The following CA11 variants were observed in gnomAD, a reference collection of about 807,000 sequenced individuals.
The protein encoded by CA11 is carbonic anhydrase 11 (inactive).
In CA11, 20 loss-of-function variants were observed where a neutral mutation model predicts 39.3. The ratio of observed to expected loss-of-function variants is 0.51; its 90% confidence interval spans 0.36 to 0.74. CA11 has a LOEUF of 0.74. Among genes scored for constraint, CA11 ranks in the 30% least tolerant of loss-of-function variants. The probability of loss-of-function intolerance (pLI) is 0.00; values close to 1 mark genes in which losing one functional copy is unlikely to be tolerated. For synonymous variants in CA11, 166 were observed against 172.5 expected, an observed-to-expected ratio of 0.96 and a Z score of 0.29; for missense variants, 336 against 424.6, an observed-to-expected ratio of 0.79 and a Z score of 1.83.
Position 48,638,046 on chromosome 19 carries a change from T to G in CA11, c.*73A>C. ...GAAGTATTCTGTCCCTTTAATAGCT[T>G]TGTTTTAGGGGTAACTCCCCTCGCC... On this transcript the variant is annotated 3_prime_UTR_variant, in exon 9 of 9. Coordinates refer to ENST00000084798, the MANE Select transcript of CA11 (RefSeq NM_001217.5). The G allele has an allele frequency of 2.7e-6, 3 of 1,124,454 alleles. No individual in the cohort carries two copies. Among genetic ancestry groups the G allele is most frequent in the Non-Finnish European group, 2.4e-6 (2 of 819,706 alleles). 69.7% of individuals were successfully genotyped at this position (1,124,454 alleles called of 1,614,324 possible).
Position 48,643,850 on chromosome 19 carries a change from T to C in CA11, c.285+577A>G, listed in dbSNP as rs1203832572. ...GGCTCATGCCTGTAATCCTAGCACTTTGGGAGGCCGAGGCAGGTGGATCAC... is the reference window on the plus strand; with the variant it reads ...GGCTCATGCCTGTAATCCTAGCACTCTGGGAGGCCGAGGCAGGTGGATCAC... On this transcript the variant is annotated intron_variant, in intron 3 of 8. Coordinates refer to ENST00000084798, the MANE Select transcript of CA11 (RefSeq NM_001217.5). The surrounding 1 kb of genome is among the most constrained non-coding windows in gnomAD (Gnocchi z 4.3). Among the ~76,000 whole-genome samples the C allele has an allele frequency of 6.6e-6, 1 of 151,892 alleles. No individual in the cohort carries two copies. Among genetic ancestry groups the C allele is most frequent in the Admixed American group, 6.6e-5 (1 of 15,246 alleles).
chr19:48,638,006 C>A lies in CA11; in HGVS notation c.*113G>T. 1 of 714,000 alleles carries A rather than the reference C, an allele frequency of 1.4e-6. No homozygotes were observed. The highest frequency in any genetic ancestry group is 2.1e-6 in the Non-Finnish European group (1 of 467,904). 44.2% of individuals were successfully genotyped at this position (714,000 alleles called of 1,614,324 possible). A position where few individuals can be genotyped will look rare whatever the true frequency, so the allele number is the denominator to read the frequency against. Reference sequence around the variant, plus strand: ...TTTCCCCACCGCGCCTAGAATCAGACCACTGAGAAAACAGGAAGTATTCTG... The same window carrying A: ...TTTCCCCACCGCGCCTAGAATCAGAACACTGAGAAAACAGGAAGTATTCTG... On this transcript the variant is annotated 3_prime_UTR_variant, in exon 9 of 9. Transcript: ENST00000084798.
At chr19:48,641,334 T>C (rs1262368338) in intron 3 of CA11, among the ~76,000 whole-genome samples, 1 of 152,250 alleles carries the variant, frequency 6.6e-6, no homozygotes, top group Non-Finnish European at 1.5e-5. Context: ...CTTTCCAGGC[T>C]CTGTGCCAGT....
chr19:48,638,389 G>GT, intron 8 of CA11: 4 of 475,920 alleles, frequency 8.4e-6, no homozygotes, highest in Non-Finnish European at 1.0e-5. Flanking sequence ...GGGGGGGGGT[G>GT]TGGACTGTAC....
At position 48,646,137 on chromosome 19, in the gene CA11, C is replaced by G. The variant is rs2031243175; in HGVS notation, c.-505G>C. 1 of 252,716 alleles carries G rather than the reference C, an allele frequency of 4.0e-6. No individual in the cohort carries two copies. The highest frequency in any genetic ancestry group is 1.5e-4 in the South Asian group (1 of 6,796). The allele number at this position is 252,716 out of a possible 1,614,324, so 15.7% of individuals were successfully genotyped here. ...TCGGCCTCCAGCTTCGTGCTCTCCCCACCTCCTCCTCTCCTGCCTCTTCTC... is the reference window on the plus strand; with the variant it reads ...TCGGCCTCCAGCTTCGTGCTCTCCCGACCTCCTCCTCTCCTGCCTCTTCTC... On this transcript the variant is annotated 5_prime_UTR_variant, in exon 1 of 9. Coordinates refer to ENST00000084798, the MANE Select transcript of CA11 (RefSeq NM_001217.5).
chr19:48,639,708 C>T (rs781385438), intron 5 of CA11, 80 bp downstream of exon 5: 45 of 1,580,540 alleles, frequency 2.8e-5, no homozygotes, highest in Non-Finnish European at 3.9e-5. Context: ...GAGTCTGGGC[C>T]TCCCAGCACC....
intron 8 of CA11, 197 bp from the exon 9 acceptor site, chr19:48,638,341 T>G (rs2030917120): frequency 1.2e-6 from 1 of 804,812 alleles, no homozygotes; most frequent in African/African-American, 2.4e-5. Context: ...ACGTCCAGAT[T>G]CAGCAGTAGG....
chr19:48,639,425 C>T lies in CA11; in HGVS notation c.675G>A (p.Glu225=). The change falls in exon 7 of 9, where the codon GAG becomes GAA. Residue 225 remains glutamate (E), a synonymous_variant. Transcript: ENST00000084798. ...DAYFLQDLSL[E]LLFPESFGFI... Reference sequence around the variant, plus strand: ...AGCCGAAGGATTCAGGGAACAGGAGCTCCAGGCTCAGGTCTTGAAGAAAGT... The same window carrying T: ...AGCCGAAGGATTCAGGGAACAGGAGTTCCAGGCTCAGGTCTTGAAGAAAGT... 6.2e-7 allele frequency: 1 copy of T among 1,613,828 alleles called. No homozygotes were observed. The highest frequency in any genetic ancestry group is 8.5e-7 in the Non-Finnish European group (1 of 1,179,958).
intron 3 of CA11, among the ~76,000 whole-genome samples, chr19:48,640,677 T>TTG (rs1896496107): frequency 6.8e-6 from 1 of 147,208 alleles, no homozygotes. Context: ...CCCGGTCTTT[T>TTG]TTTTTTTTCT....
intron 3 of CA11, among the ~76,000 whole-genome samples, chr19:48,642,628 G>C (rs114880234): frequency 1.1e-3 from 171 of 152,284 alleles, no homozygotes; most frequent in African/African-American, 3.9e-3. Flanking sequence ...ATTTTGAGCA[G>C]GAGTGATATG....
In CA11 at chr19:48,645,735, T is replaced by G. The variant is rs1306467538; in HGVS notation, c.-103A>C. The stretch of plus-strand genomic sequence containing the variant: ...CCCTGTCCCTCCAGGACTTCCAGCT[T>G]TCCTCTCCTCCCCACAGGGAGTCCC... On this transcript the variant is annotated 5_prime_UTR_variant, in exon 1 of 9. Coordinates refer to ENST00000084798, the MANE Select transcript of CA11 (RefSeq NM_001217.5). 2.1e-6 allele frequency: 2 copies of G among 949,718 alleles called. No individual in the cohort carries two copies. The highest frequency in any genetic ancestry group is 1.7e-5 in the African/African-American group (1 of 58,728). The allele number at this position is 949,718 out of a possible 1,614,324, so 58.8% of individuals were successfully genotyped here.
At chr19:48,639,267 A>G (rs148357487) in intron 7 of CA11, 38 bp downstream of exon 7, 1 of 1,607,690 alleles carries the variant, frequency 6.2e-7, no homozygotes, top group Non-Finnish European at 8.5e-7. Flanking sequence ...TGAGTGGAGT[A>G]CCCAGGCCTA....
intron 7 of CA11, 34 bp downstream of exon 7, chr19:48,639,271 A>C (rs1303207814): frequency 6.2e-7 from 1 of 1,608,758 alleles, no homozygotes; most frequent in Admixed American, 1.7e-5. Flanking sequence ...TGGAGTACCC[A>C]GGCCTAGGAA....
intron 3 of CA11, among the ~76,000 whole-genome samples, chr19:48,640,886 G>C (rs1357310279): frequency 6.7e-6 from 1 of 148,216 alleles, no homozygotes; most frequent in Admixed American, 6.7e-5. Context: ...GTGTTAACCA[G>C]GATGGTCTGG....
chr19:48,638,763 G>T, intron 8 of CA11, 125 bp downstream of exon 8: 3 of 1,053,304 alleles, frequency 2.8e-6, no homozygotes, highest in East Asian at 5.4e-5. Flanking sequence ...AAAAGAGACA[G>T]CTCACGAGGC....
intron 3 of CA11, 54 bp downstream of exon 3, chr19:48,644,373 C>T (rs2031180937): frequency 2.0e-6 from 3 of 1,472,202 alleles, no homozygotes; most frequent in Non-Finnish European, 2.7e-6. Flanking sequence ...TCCCCAGCCT[C>T]TATTCATGCC....
Position 48,638,016 on chromosome 19 carries a change from A to G in CA11, c.*103T>C. ...GCGCCTAGAATCAGACCACTGAGAA[A>G]ACAGGAAGTATTCTGTCCCTTTAAT... On this transcript the variant is annotated 3_prime_UTR_variant, in exon 9 of 9. Transcript: ENST00000084798. 1.2e-6 allele frequency: 1 copy of G among 802,724 alleles called. No individual in the cohort carries two copies. Among genetic ancestry groups the G allele is most frequent in the Non-Finnish European group, 1.8e-6 (1 of 545,994 alleles). The allele number at this position is 802,724 out of a possible 1,614,324, so 49.7% of individuals were successfully genotyped here.
At chr19:48,640,673 C>CT (rs542844572) in intron 3 of CA11, among the ~76,000 whole-genome samples, 18,894 of 119,646 alleles carry the variant, frequency 0.16, 1,550 homozygotes, top group East Asian at 0.26. Context: ...CGCACCCGGT[C>CT]TTTTTTTTTT....
chr19:48,638,235 C>G, intron 8 of CA11, 91 bp from the exon 9 acceptor site: 1 of 1,213,516 alleles, frequency 8.2e-7, no homozygotes, highest in Non-Finnish European at 1.0e-6. Flanking sequence ...CGCGCTGGGC[C>G]CTACCGTCGG....
Sources: gnomAD v4.1 joint callset for allele counts (sites outside exome capture counted in the v4.1 genomes callset) on GRCh38, gnomAD v4.1.1 for gene constraint, Gnocchi (gnomAD v3.1) non-coding constraint, MANE v1.5 for transcripts, NCBI Gene and HGNC (gene_info 2026-07-23, HGNC 2026-07-21) for gene names.